Variants in TM4SF18 observed in about 807,000 individuals in gnomAD.
The protein encoded by TM4SF18 is transmembrane 4 L6 family member 18.
TM4SF18 carries 22 observed loss-of-function variants against 23.8 expected under a neutral mutation model. That is an observed-to-expected ratio of 0.92 (90% CI 0.66 to 1.32). TM4SF18 has a LOEUF of 1.32. Ranked by LOEUF, TM4SF18 falls within the 40% of genes most tolerant of loss-of-function variation. The pLI is 0.00. For missense variants in TM4SF18, 255 were observed against 240.3 expected (o/e 1.06, Z -0.41); for synonymous variants, 87 against 87.9 (o/e 0.99, Z 0.06).
intron 2 of TM4SF18, among the ~76,000 whole-genome samples, chr3:149,332,644 A>C (rs1174755168): frequency 6.6e-6 from 1 of 152,188 alleles, no homozygotes; most frequent in Non-Finnish European, 1.5e-5. Context: ...TCTCCTGGGC[A>C]CTTTATATAT....
Position 149,322,247 on chromosome 3 carries a change from A to T in TM4SF18, c.591+9T>A, listed in dbSNP as rs775233979. ...GGATGAGCTACAGGTGCCCATGAGA[A>T]TCTGTTACCTGGAAGATCACTGAAT... On this transcript the variant is annotated intron_variant, in intron 5 of 5. Transcript: ENST00000296059. 3 of 1,605,398 alleles carry T rather than the reference A, an allele frequency of 1.9e-6. No homozygotes were observed. The African/African-American group carries it at 4.0e-5, about 22-fold the overall frequency.
At chr3:149,329,627 A>G (rs571586687) in intron 3 of TM4SF18, among the ~76,000 whole-genome samples, 21 of 152,344 alleles carry the variant, frequency 1.4e-4, no homozygotes, top group African/African-American at 5.1e-4. Context: ...GCAAGTGTGA[A>G]TAAACGATGA....
At chr3:149,323,557 A>T (rs1559990158) in intron 4 of TM4SF18, among the ~76,000 whole-genome samples, 1 of 152,336 alleles carries the variant, frequency 6.6e-6, no homozygotes, top group African/African-American at 2.4e-5. Flanking sequence ...GATTTCATGG[A>T]CATTTATCAG....
rs780551984 is a variant in TM4SF18 at position 149,324,992 on chromosome 3, C to A, written c.298G>T (p.Gly100Ter). The A allele has an allele frequency of 4.0e-5, 65 of 1,613,746 alleles. No homozygotes were observed. The highest frequency in any genetic ancestry group is 5.1e-5 in the Non-Finnish European group (60 of 1,179,968). The stretch of plus-strand genomic sequence containing the variant: ...AGGCAGTATCCAGAAAAAGCAATTC[C>A]GAGGGAAGAAAAGATAATTGACAGC... ...TLLSIIFSSL[G>*]IAFSGYCLVI... The change falls in exon 4 of 6, where the codon GGA (glycine) becomes TGA (stop). Residue 100 changes from glycine to a stop codon, truncating the protein, a stop_gained. Coordinates refer to ENST00000296059, the MANE Select transcript of TM4SF18 (RefSeq NM_138786.4). LOFTEE classifies it high-confidence loss of function.
At chr3:149,329,255 A>T (rs778247903) in intron 3 of TM4SF18, among the ~76,000 whole-genome samples, 1 of 152,100 alleles carries the variant, frequency 6.6e-6, no homozygotes, top group African/African-American at 2.4e-5. Flanking sequence ...AAATAAAGCA[A>T]CGAATTTAAT....
In TM4SF18 at chr3:149,321,216, T is replaced by C; in HGVS notation, c.*262A>G. The C allele has an allele frequency of 3.0e-6, 1 of 334,264 alleles. No individual in the cohort carries two copies. The highest frequency in any genetic ancestry group is 4.5e-5 in the East Asian group (1 of 22,152). 20.7% of individuals were successfully genotyped at this position (334,264 alleles called of 1,614,324 possible). A position where few individuals can be genotyped will look rare whatever the true frequency, so the allele number is the denominator to read the frequency against. Reference sequence around the variant, plus strand: ...GGTTTCTCTCATATTCTTATTTACTTCCCTAGTACAGATTCTTGGAAATGG... The same window carrying C: ...GGTTTCTCTCATATTCTTATTTACTCCCCTAGTACAGATTCTTGGAAATGG... On this transcript the variant is annotated 3_prime_UTR_variant, in exon 6 of 6. Transcript: ENST00000296059.
chr3:149,324,961 A>G lies in TM4SF18; in HGVS notation c.329T>C (p.Ile110Thr), dbSNP rs1222725034. The G allele has an allele frequency of 6.2e-7, 1 of 1,614,206 alleles. No homozygotes were observed. The highest frequency in any genetic ancestry group is 1.1e-5 in the South Asian group (1 of 91,080). Residue 110 changes from isoleucine to threonine, a missense_variant, in exon 4 of 6, where the codon ATC (isoleucine) becomes ACC (threonine). Physicochemically the swap from Ile to Thr is moderately conservative, Grantham distance 89. Transcript: ENST00000296059. ...GIAFSGYCLVISALGLVQGPY... is the reference protein window; with the variant it reads ...GIAFSGYCLVTSALGLVQGPY... ...CCCTTGGACAAGACCCAAGGCAGAG[A>G]TGACCAGGCAGTATCCAGAAAAAGC...
At chr3:149,330,947 A>G (rs1731073548) in intron 2 of TM4SF18, among the ~76,000 whole-genome samples, 1 of 152,304 alleles carries the variant, frequency 6.6e-6, no homozygotes, top group Non-Finnish European at 1.5e-5. Context: ...TCAGGTTTAA[A>G]TTGTTTCAAT....
chr3:149,319,987 A>C lies in TM4SF18; in HGVS notation c.*1491T>G, dbSNP rs1253269705. 6.6e-6 allele frequency: 1 copy of C among 152,282 alleles called. No individual in the cohort carries two copies. Among genetic ancestry groups the C allele is most frequent in the Non-Finnish European group, 1.5e-5 (1 of 68,080 alleles). 9.4% of individuals were successfully genotyped at this position (152,282 alleles called of 1,614,324 possible). A position where few individuals can be genotyped will look rare whatever the true frequency, so the allele number is the denominator to read the frequency against. The stretch of plus-strand genomic sequence containing the variant: ...CCAGAGCATGAAGGTCATGCGGTGT[A>C]TAACATGGCTTGCTTTCAAGATGCT... On this transcript the variant is annotated 3_prime_UTR_variant, in exon 6 of 6. Coordinates refer to ENST00000296059, the MANE Select transcript of TM4SF18 (RefSeq NM_138786.4).
rs1005987123 is a variant in TM4SF18 at position 149,318,976 on chromosome 3, C to T, written c.*2502G>A. 14 of 151,768 alleles carry T rather than the reference C, an allele frequency of 9.2e-5. 1 individual carries two copies. Among genetic ancestry groups the T allele is most frequent in the Admixed American group, 7.2e-4 (11 of 15,246 alleles). 9.4% of individuals were successfully genotyped at this position (151,768 alleles called of 1,614,324 possible). On this transcript the variant is annotated 3_prime_UTR_variant, in exon 6 of 6. Transcript: ENST00000296059. ...TTTTTTTGTATTCAGCTTTTTTTTACTTAAAATTGCATGATTAGCATATAC... is the reference window on the plus strand; with the variant it reads ...TTTTTTTGTATTCAGCTTTTTTTTATTTAAAATTGCATGATTAGCATATAC...
chr3:149,324,737 T>C, intron 4 of TM4SF18, 143 bp downstream of exon 4: 1 of 1,033,468 alleles, frequency 9.7e-7, no homozygotes, highest in Non-Finnish European at 1.4e-6. Flanking sequence ...TTGGTCTGGA[T>C]ATTAGTAAAC....
At position 149,321,330 on chromosome 3, in the gene TM4SF18, C is replaced by T. The variant is rs1730800374; in HGVS notation, c.*148G>A. ...ACTAAATGGAAGGGTGGTATACTTG[C>T]ATGTGCAGTGAGGACTGCAAATTTT... On this transcript the variant is annotated 3_prime_UTR_variant, in exon 6 of 6. Coordinates refer to ENST00000296059, the MANE Select transcript of TM4SF18 (RefSeq NM_138786.4). 2.0e-6 allele frequency: 1 copy of T among 507,186 alleles called. No homozygotes were observed. The highest frequency in any genetic ancestry group is 3.1e-5 in the East Asian group (1 of 32,334). 31.4% of individuals were successfully genotyped at this position (507,186 alleles called of 1,614,324 possible). A position where few individuals can be genotyped will look rare whatever the true frequency, so the allele number is the denominator to read the frequency against.
At chr3:149,322,040 G>A (rs1023144218) in intron 5 of TM4SF18, among the ~76,000 whole-genome samples, 2 of 152,188 alleles carry the variant, frequency 1.3e-5, no homozygotes, top group African/African-American at 4.8e-5. Flanking sequence ...AAGAAATGCA[G>A]ATTTTACAAT....
At position 149,321,417 on chromosome 3, in the gene TM4SF18, A is replaced by G. The variant is rs548040339; in HGVS notation, c.*61T>C. 4 of 1,285,782 alleles carry G rather than the reference A, an allele frequency of 3.1e-6. No homozygotes were observed. The highest frequency in any genetic ancestry group is 4.3e-6 in the Non-Finnish European group (4 of 921,454). The allele number at this position is 1,285,782 out of a possible 1,614,324, so 79.6% of individuals were successfully genotyped here. On this transcript the variant is annotated 3_prime_UTR_variant, in exon 6 of 6. Transcript: ENST00000296059. ...TTCAATATTGCCCTCAAGTCTACAC[A>G]GTTGATATAATATTTAGATAGATGG...
In TM4SF18 at chr3:149,320,353, G is replaced by A. The variant is rs527912286; in HGVS notation, c.*1125C>T. On this transcript the variant is annotated 3_prime_UTR_variant, in exon 6 of 6. Transcript: ENST00000296059. ...TATATAAGATGTGGCTACTGTCCCC[G>A]AGGAAGACATGGCATGTATAGGTGG... 3 of 152,306 alleles carry A rather than the reference G, an allele frequency of 2.0e-5. No homozygotes were observed. Among genetic ancestry groups the A allele is most frequent in the East Asian group, 1.9e-4 (1 of 5,186 alleles). 9.4% of individuals were successfully genotyped at this position (152,306 alleles called of 1,614,324 possible).
chr3:149,333,009 G>C (rs539826201), intron 2 of TM4SF18, among the ~76,000 whole-genome samples, 197 bp downstream of exon 2: 1 of 152,232 alleles, frequency 6.6e-6, no homozygotes, highest in East Asian at 1.9e-4. Flanking sequence ...AGGCTGCATT[G>C]CTGAGCAGCT....
intron 3 of TM4SF18, among the ~76,000 whole-genome samples, chr3:149,327,237 G>A (rs190063078): frequency 1.3e-4 from 20 of 152,264 alleles, no homozygotes; most frequent in Non-Finnish European, 2.5e-4. Context: ...GGCATGAGCC[G>A]CTGTGTCCGG....
rs570775163 is a variant in TM4SF18, at chr3:149,326,601, A to G, written c.268-1579T>C. On this transcript the variant is annotated intron_variant, in intron 3 of 5. Transcript: ENST00000296059. ...ATTACCAGCAATCACTGTGGTTCCA[A>G]TGTGCTGCTTTCATAATGCTATAAT... Among the ~76,000 whole-genome samples, 13 of 152,254 alleles carry G rather than the reference A, an allele frequency of 8.5e-5. No individual in the cohort carries two copies. The South Asian group carries it at 2.5e-3, about 29-fold the overall frequency.
rs34338382 is a variant in TM4SF18 at position 149,322,905 on chromosome 3, C to CTT, written c.411-471_411-470dup. Among the ~76,000 whole-genome samples, 15 of 128,788 alleles carry CTT rather than the reference C, an allele frequency of 1.2e-4. 1 individual carries two copies. Among genetic ancestry groups the CTT allele is most frequent in the African/African-American group, 3.3e-4 (12 of 36,054 alleles). The allele number at this position is 128,788 out of a possible 152,430, so 84.5% of individuals were successfully genotyped here. ...GAACTTTACCCCTCTGGCCTCCAGACTTTTTTTTTTTTTTTTGAGACGGAG... is the reference window on the plus strand; with the variant it reads ...GAACTTTACCCCTCTGGCCTCCAGACTTTTTTTTTTTTTTTTTTGAGACGGAG... On this transcript the variant is annotated intron_variant, in intron 4 of 5. Transcript: ENST00000296059.
Sources: gnomAD v4.1 joint callset for allele counts (sites outside exome capture counted in the v4.1 genomes callset) on GRCh38, gnomAD v4.1.1 for gene constraint, MANE v1.5 for transcripts, NCBI Gene and HGNC (gene_info 2026-07-23, HGNC 2026-07-21) for gene names.